The following ATAD3C variants were observed in gnomAD, a reference collection of about 807,000 sequenced individuals.
The protein encoded by ATAD3C is ATPase family AAA domain-containing protein 3C.
ATAD3C carries 38 observed loss-of-function variants against 46.3 expected under a neutral mutation model. That is an observed-to-expected ratio of 0.82 (90% CI 0.63 to 1.08). The LOEUF is 1.08. ATAD3C is among the 50% of genes least tolerant of loss of function. The pLI, the probability that ATAD3C is intolerant of heterozygous loss-of-function variation, is 0.00. For synonymous variants in ATAD3C, 220 were observed against 236.4 expected, an observed-to-expected ratio of 0.93 and a Z score of 0.63; for missense variants, 563 against 572.7, an observed-to-expected ratio of 0.98 and a Z score of 0.17.
chr1:1,454,315 C>T (rs2986582), intron 3 of ATAD3C, 30 bp from the exon 4 acceptor site: 439,718 of 1,578,664 alleles, frequency 0.28, 97,066 homozygotes, highest in East Asian at 0.99. Flanking sequence ...CGGTGGGGGC[C>T]GGTGCGCCAG....
chr1:1,450,939 C>T (rs1638848764), intron 1 of ATAD3C, among the ~76,000 whole-genome samples, 181 bp downstream of exon 1: 2 of 151,690 alleles, frequency 1.3e-5, no homozygotes, highest in East Asian at 1.9e-4. Flanking sequence ...GAGACGCTGC[C>T]GCAGAGCCGC....
At chr1:1,461,734 A>C (rs1213928814) in intron 10 of ATAD3C, among the ~76,000 whole-genome samples, 4 of 150,164 alleles carry the variant, frequency 2.7e-5, no homozygotes, top group Non-Finnish European at 4.4e-5. Context: ...GATTGGAGGG[A>C]GAGGCTCCTC....
chr1:1,457,781 GAT>G (rs1557778785), intron 8 of ATAD3C, among the ~76,000 whole-genome samples: 1 of 149,206 alleles, frequency 6.7e-6, no homozygotes, highest in Non-Finnish European at 1.5e-5. Context: ...CAGTGCAAGC[GAT>G]TCTCCTGCTT....
In ATAD3C at chr1:1,468,498, C is replaced by A; in HGVS notation, c.1204C>A (p.Pro402Thr). ...GATGCGCTGGCTGAAGGGGGAGAGG[C>A]CTGGGCCCGAGGACGAGCAACCCTC... The part of the protein sequence containing the change: ...QMMRWLKGER[P>T]GPEDEQPSS The change falls in exon 12 of 12, where the codon CCT becomes ACT. Residue 402 changes from proline to threonine, a missense_variant. Pro to Thr is a conservative substitution (Grantham distance 38). Around this residue, in one of 3 missense-constraint regions of ATAD3C, gnomAD observed 273 missense variants for 253.5 expected, o/e 1.08. Coordinates refer to ENST00000378785, the MANE Select transcript of ATAD3C (RefSeq NM_001039211.3). The A allele has an allele frequency of 6.2e-7, 1 of 1,610,314 alleles. No homozygotes were observed. The highest frequency in any genetic ancestry group is 1.1e-5 in the South Asian group (1 of 90,700).
intron 4 of ATAD3C, 137 bp from the exon 5 acceptor site, chr1:1,455,323 G>T: frequency 7.8e-7 from 1 of 1,277,248 alleles, no homozygotes. Context: ...CCGGCGGGGC[G>T]GGGTTCCAGC....
At chr1:1,452,174 G>A (rs1638872143) in intron 2 of ATAD3C, 52 bp downstream of exon 2, 8 of 1,604,040 alleles carry the variant, frequency 5.0e-6, no homozygotes, top group Non-Finnish European at 6.8e-6. Context: ...CCACAGGTGT[G>A]AGTCGCTGGT....
intron 8 of ATAD3C, among the ~76,000 whole-genome samples, chr1:1,458,833 G>C (rs959251599): frequency 6.6e-6 from 1 of 150,690 alleles, no homozygotes; most frequent in African/African-American, 2.4e-5. Context: ...AGTGATTCTC[G>C]TGCCTCAGCC....
intron 3 of ATAD3C, among the ~76,000 whole-genome samples, chr1:1,453,288 C>G (rs1295483215): frequency 2.6e-5 from 4 of 152,156 alleles, no homozygotes; most frequent in Non-Finnish European, 5.9e-5. Flanking sequence ...CTGCAACCTG[C>G]GCCTCCCGGG....
intron 3 of ATAD3C, among the ~76,000 whole-genome samples, chr1:1,453,049 A>G (rs181331966): frequency 6.2e-4 from 94 of 152,100 alleles, no homozygotes; most frequent in Non-Finnish European, 9.7e-4. Context: ...CTGAGTGGGC[A>G]CTTGCTCTGC....
In ATAD3C at chr1:1,459,004, T is replaced by C. The variant is rs1751469; in HGVS notation, c.742-157T>C. ...CCAAAATCCAGGTTACATTCGTGAGTCACCGCCCCTGGCCCTGGTCAGGCT... is the reference window on the plus strand; with the variant it reads ...CCAAAATCCAGGTTACATTCGTGAGCCACCGCCCCTGGCCCTGGTCAGGCT... On this transcript the variant is annotated intron_variant, in intron 8 of 11. Coordinates refer to ENST00000378785, the MANE Select transcript of ATAD3C (RefSeq NM_001039211.3). The surrounding 1 kb of genome is among the most constrained non-coding windows in gnomAD (Gnocchi z 4.9). Among the ~76,000 whole-genome samples the C allele has an allele frequency of 0.25, 38,024 of 151,666 alleles. 10,330 individuals carry two copies. Among genetic ancestry groups the C allele is most frequent in the African/African-American group, 0.64 (26,214 of 41,274 alleles).
Position 1,450,382 on chromosome 1 carries a change from T to C in ATAD3C, c.-302T>C. The C allele has an allele frequency of 2.8e-6, 1 of 350,890 alleles. No homozygotes were observed. Among genetic ancestry groups the C allele is most frequent in the Non-Finnish European group, 5.3e-6 (1 of 187,850 alleles). The allele number at this position is 350,890 out of a possible 1,614,324, so 21.7% of individuals were successfully genotyped here. A position where few individuals can be genotyped will look rare whatever the true frequency, so the allele number is the denominator to read the frequency against. The stretch of plus-strand genomic sequence containing the variant: ...AAAAATGGACACTTTAGCCATCGCC[T>C]GACTTTCTGTTGAATTGGGAAAGAG... On this transcript the variant is annotated 5_prime_UTR_variant, in exon 1 of 12. The change abolishes the stop of an existing upstream ORF in the 5' untranslated region. Transcript: ENST00000378785.
chr1:1,451,819 G>A (rs1384487260), intron 1 of ATAD3C, among the ~76,000 whole-genome samples: 1 of 152,060 alleles, frequency 6.6e-6, no homozygotes, highest in Non-Finnish European at 1.5e-5. Flanking sequence ...GCCACAGTGG[G>A]GGCTGTTTCT....
rs866556041 is a variant in ATAD3C at position 1,469,855 on chromosome 1, C to T, written c.*1325C>T. 6.6e-6 allele frequency: 1 copy of T among 151,932 alleles called. No homozygotes were observed. The highest frequency in any genetic ancestry group is 6.6e-5 in the Admixed American group (1 of 15,186). 9.4% of individuals were successfully genotyped at this position (151,932 alleles called of 1,614,324 possible). On this transcript the variant is annotated 3_prime_UTR_variant, in exon 12 of 12. Transcript: ENST00000378785. The stretch of plus-strand genomic sequence containing the variant: ...AGATGGCCTGAAGCAACTGAAGATC[C>T]ACAAAATAAGTGAAAAGAGCCTTAA...
rs1417640851 is a variant in ATAD3C, at chr1:1,462,186, C to T, written c.981-414C>T. Among the ~76,000 whole-genome samples, 3 of 152,062 alleles carry T rather than the reference C, an allele frequency of 2.0e-5. No homozygotes were observed. The highest frequency in any genetic ancestry group is 2.9e-5 in the Non-Finnish European group (2 of 67,976). ...CCTGCTCCATGCTAGACCAGCTTTC[C>T]GGGTCTCAGTTTCCCTATGCCCTCC... On this transcript the variant is annotated intron_variant, in intron 10 of 11. Coordinates refer to ENST00000378785, the MANE Select transcript of ATAD3C (RefSeq NM_001039211.3). This position sits in a 1 kb window ranked among gnomAD's most constrained non-coding sequence, Gnocchi z 4.5.
In ATAD3C at chr1:1,460,780, C is replaced by G. The variant is rs748781199; in HGVS notation, c.843C>G (p.Pro281=). ...TGCTGATCCTGGCCAGCTGCCACCC[C>G]GAGCAGTTCGACTGGGCCATCAATG... ...KFMLILASCH[P]EQFDWAINAC... is the part of the protein sequence containing the mutation. Residue 281 remains proline, a synonymous_variant, in exon 10 of 12, where the codon CCC becomes CCG. Transcript: ENST00000378785. The G allele has an allele frequency of 2.5e-6, 4 of 1,611,006 alleles. No homozygotes were observed. The highest frequency in any genetic ancestry group is 2.5e-6 in the Non-Finnish European group (3 of 1,178,522).
At position 1,453,400 on chromosome 1, in the gene ATAD3C, C is replaced by G. The variant is rs935779693; in HGVS notation, c.223-945C>G. On this transcript the variant is annotated intron_variant, in intron 3 of 11. Coordinates refer to ENST00000378785, the MANE Select transcript of ATAD3C (RefSeq NM_001039211.3). ...CTATTTTGGTGGAGACAGGGTTACACCCTGTTGGCCAGGATGGTCTCGAAC... is the reference window on the plus strand; with the variant it reads ...CTATTTTGGTGGAGACAGGGTTACAGCCTGTTGGCCAGGATGGTCTCGAAC... 3.9e-5 allele frequency among the ~76,000 whole-genome samples: 6 copies of G among 151,954 alleles called. No homozygotes were observed. The East Asian group carries it at 5.8e-4, about 15-fold the overall frequency.
intron 4 of ATAD3C, 23 bp from the exon 5 acceptor site, chr1:1,455,437 T>C (rs2100477246): frequency 1.2e-6 from 2 of 1,610,294 alleles, no homozygotes; most frequent in East Asian, 4.5e-5. Context: ...GGTGACCCAA[T>C]GGTGCTTCCC....
intron 11 of ATAD3C, among the ~76,000 whole-genome samples, chr1:1,467,295 G>A (rs1012143204): frequency 6.6e-6 from 1 of 152,082 alleles, no homozygotes; most frequent in Non-Finnish European, 1.5e-5. Flanking sequence ...GAGGGTCCCT[G>A]CACCTGTTTG....
Position 1,462,207 on chromosome 1 carries a change from C to G in ATAD3C, c.981-393C>G, listed in dbSNP as rs1362519278. Among the ~76,000 whole-genome samples the G allele has an allele frequency of 2.0e-5, 3 of 152,042 alleles. No individual in the cohort carries two copies. The highest frequency in any genetic ancestry group is 2.9e-5 in the Non-Finnish European group (2 of 67,974). The stretch of plus-strand genomic sequence containing the variant: ...TTTCCGGGTCTCAGTTTCCCTATGC[C>G]CTCCCCTTCCCTGGGCTCCCCGACA... On this transcript the variant is annotated intron_variant, in intron 10 of 11. Coordinates refer to ENST00000378785, the MANE Select transcript of ATAD3C (RefSeq NM_001039211.3). This position sits in a 1 kb window ranked among gnomAD's most constrained non-coding sequence, Gnocchi z 4.5.
Sources: gnomAD v4.1 joint callset for allele counts (sites outside exome capture counted in the v4.1 genomes callset) on GRCh38, gnomAD v4.1.1 for gene constraint, gnomAD v4.1.1 regional missense constraint, Gnocchi (gnomAD v3.1) non-coding constraint, MANE v1.5 for transcripts, NCBI Gene and HGNC (gene_info 2026-07-23, HGNC 2026-07-21) for gene names.